The following FMN2 variants were observed in gnomAD, a reference collection of about 807,000 sequenced individuals.
FMN2 encodes the protein formin 2, also known as formin-2.
FMN2 carries 51 observed loss-of-function variants against 142.3 expected under a neutral mutation model. That is an observed-to-expected ratio of 0.36 (90% CI 0.29 to 0.45). The LOEUF is 0.45. Ranked by LOEUF, FMN2 falls within the 20% of genes least tolerant of loss-of-function variation. The probability of loss-of-function intolerance (pLI) is 1.00; values close to 1 mark genes in which losing one functional copy is unlikely to be tolerated. For synonymous variants in FMN2, 882 were observed against 869.8 expected (o/e 1.01, Z -0.25); for missense variants, 1,936 against 2,122.8 (o/e 0.91, Z 1.73).
In FMN2 at chr1:240,474,271, A is replaced by G. The variant is rs882869; in HGVS notation, c.*117A>G. On this transcript the variant is annotated 3_prime_UTR_variant, in exon 18 of 18. Transcript: ENST00000319653. Reference sequence around the variant, plus strand: ...CTCATGTTTCTTCTTGACCTCTTGCATAATCTTTTTGTTTTCTAGACAGTT... The same window carrying G: ...CTCATGTTTCTTCTTGACCTCTTGCGTAATCTTTTTGTTTTCTAGACAGTT... 0.32 allele frequency: 304,478 copies of G among 953,044 alleles called. 51,570 individuals carry two copies. Among genetic ancestry groups the G allele is most frequent in the East Asian group, 0.48 (15,836 of 33,224 alleles). The allele number at this position is 953,044 out of a possible 1,614,324, so 59.0% of individuals were successfully genotyped here. A position where few individuals can be genotyped will look rare whatever the true frequency, so the allele number is the denominator to read the frequency against.
rs552537275 is a variant in FMN2 at position 240,388,156 on chromosome 1, C to T, written c.4859-4355C>T. Among the ~76,000 whole-genome samples the T allele has an allele frequency of 3.5e-4, 39 of 110,308 alleles. 1 individual carries two copies. Among genetic ancestry groups the T allele is most frequent in the Admixed American group, 3.2e-3 (24 of 7,418 alleles). 72.4% of individuals were successfully genotyped at this position (110,308 alleles called of 152,430 possible). A position where few individuals can be genotyped will look rare whatever the true frequency, so the allele number is the denominator to read the frequency against. ...GCGGGTCACTGCACTCCAGCCTGGGCGACAGAGCAAGACTCCCATCTCAAA... is the reference window on the plus strand; with the variant it reads ...GCGGGTCACTGCACTCCAGCCTGGGTGACAGAGCAAGACTCCCATCTCAAA... On this transcript the variant is annotated intron_variant, in intron 14 of 17. Coordinates refer to ENST00000319653, the MANE Select transcript of FMN2 (RefSeq NM_020066.5).
At chr1:240,202,502 G>GT (rs1185125483) in intron 4 of FMN2, among the ~76,000 whole-genome samples, 6 of 152,144 alleles carry the variant, frequency 3.9e-5, no homozygotes, top group African/African-American at 1.4e-4. Flanking sequence ...TACTATTGTT[G>GT]TTTTTTATAT....
intron 4 of FMN2, among the ~76,000 whole-genome samples, chr1:240,205,456 CTTTTTTTTTT>C (rs36115091): frequency 2.1e-5 from 2 of 97,478 alleles, no homozygotes; most frequent in Admixed American, 1.1e-4. Flanking sequence ...ATGCTCTTTC[CTTTTTTTTTT>C]TTTTTTTTTT....
At chr1:240,334,735 G>A (rs1415563098) in intron 13 of FMN2, among the ~76,000 whole-genome samples, 3 of 152,056 alleles carry the variant, frequency 2.0e-5, no homozygotes, top group East Asian at 1.9e-4. Flanking sequence ...ATAATAGGCC[G>A]AAATTTTTCA....
At chr1:240,210,495 T>C (rs771888535) in intron 5 of FMN2, among the ~76,000 whole-genome samples, 11 of 152,238 alleles carry the variant, frequency 7.2e-5, no homozygotes, top group Admixed American at 3.9e-4. Context: ...ACGCCACTTA[T>C]GTATGTGGGT....
chr1:240,346,295 A>G (rs751604207), intron 13 of FMN2, among the ~76,000 whole-genome samples: 85 of 152,106 alleles, frequency 5.6e-4, no homozygotes, highest in Non-Finnish European at 7.6e-4. Flanking sequence ...AAAAATAATT[A>G]TAACAATATA....
At chr1:240,450,756 G>A (rs1676008560) in intron 16 of FMN2, among the ~76,000 whole-genome samples, 2 of 152,202 alleles carry the variant, frequency 1.3e-5, no homozygotes, top group Admixed American at 1.3e-4. Context: ...TTCTTTGAAT[G>A]ATTTAAAACT....
chr1:240,208,684 G>T lies in FMN2; in HGVS notation c.3872G>T (p.Arg1291Leu). ...AGGAAGCAGCCCATAGAGCCTTGTCGACCAATGAAGCCTCTTTACTGGACC... is the reference window on the plus strand; with the variant it reads ...AGGAAGCAGCCCATAGAGCCTTGTCTACCAATGAAGCCTCTTTACTGGACC... Reference protein sequence around the residue: ...GSRKQPIEPCRPMKPLYWTRI... With the variant: ...GSRKQPIEPCLPMKPLYWTRI... Residue 1291 changes from arginine to leucine, a missense_variant, in exon 5 of 18, where the codon CGA becomes CTA. By Grantham distance (102) the Arg-to-Leu change is moderately radical. This residue lies in a region of FMN2 where 259 missense variants were observed against 230.9 expected (regional missense o/e 1.12). Transcript: ENST00000319653. The T allele has an allele frequency of 2.5e-6, 4 of 1,613,714 alleles. No homozygotes were observed. Among genetic ancestry groups the T allele is most frequent in the Non-Finnish European group, 3.4e-6 (4 of 1,179,926 alleles).
chr1:240,384,016 A>T lies in FMN2; in HGVS notation c.4859-8495A>T, dbSNP rs545137449. Among the ~76,000 whole-genome samples the T allele has an allele frequency of 3.9e-5, 6 of 152,248 alleles. No individual in the cohort carries two copies. The East Asian group carries it at 1.2e-3, about 29-fold the overall frequency. On this transcript the variant is annotated intron_variant, in intron 14 of 17. Coordinates refer to ENST00000319653, the MANE Select transcript of FMN2 (RefSeq NM_020066.5). Reference sequence around the variant, plus strand: ...CTTTACAGCAACATGGATGCAGCTGAAGGCTATTATCCTAAGCGTATTAAC... The same window carrying T: ...CTTTACAGCAACATGGATGCAGCTGTAGGCTATTATCCTAAGCGTATTAAC...
At chr1:240,225,224 G>A (rs1667257456) in intron 6 of FMN2, among the ~76,000 whole-genome samples, 1 of 152,156 alleles carries the variant, frequency 6.6e-6, no homozygotes, top group South Asian at 2.1e-4. Flanking sequence ...ACCCTCACAG[G>A]AGCAACTGGA....
At chr1:240,433,869 C>A (rs543361611) in intron 15 of FMN2, among the ~76,000 whole-genome samples, 1 of 152,238 alleles carries the variant, frequency 6.6e-6, no homozygotes, top group African/African-American at 2.4e-5. Flanking sequence ...ACGTTAGATA[C>A]CTAGGTCTTT....
chr1:240,394,511 A>G (rs1673707721), intron 15 of FMN2, among the ~76,000 whole-genome samples: 1 of 152,252 alleles, frequency 6.6e-6, no homozygotes. Flanking sequence ...AGGTGAAGCA[A>G]CAAGTGCTGA....
At chr1:240,472,135 A>C in intron 16 of FMN2, 1 of 432,008 alleles carries the variant, frequency 2.3e-6, no homozygotes, top group East Asian at 4.5e-5. Context: ...GTGTTTGTAT[A>C]TTACTCCATT....
intron 13 of FMN2, among the ~76,000 whole-genome samples, chr1:240,347,471 G>A (rs1015463479): frequency 6.6e-5 from 10 of 152,050 alleles, no homozygotes; most frequent in African/African-American, 1.2e-4. Context: ...ACTCATCAAC[G>A]CACATTAGAA....
In FMN2 at chr1:240,380,726, A is replaced by AG. The variant is rs1673196378; in HGVS notation, c.4859-11785_4859-11784insG. ...AACTCAAAACTAGTTAAAAAAAAAA[A>AG]AAAGAAATGGCAAAGATCAGAGCAG... On this transcript the variant is annotated intron_variant, in intron 14 of 17. Transcript: ENST00000319653. 2.6e-5 allele frequency among the ~76,000 whole-genome samples: 4 copies of AG among 151,908 alleles called. No homozygotes were observed. The South Asian group carries it at 8.3e-4, about 31-fold the overall frequency.
At chr1:240,397,495 G>A (rs1298626772) in intron 15 of FMN2, among the ~76,000 whole-genome samples, 2 of 151,834 alleles carry the variant, frequency 1.3e-5, no homozygotes, top group Non-Finnish European at 2.9e-5. Context: ...CCACACCTAG[G>A]CCAGGCACGG....
intron 4 of FMN2, among the ~76,000 whole-genome samples, chr1:240,206,249 C>T (rs1412830836): frequency 6.6e-6 from 1 of 152,084 alleles, no homozygotes; most frequent in East Asian, 1.9e-4. Context: ...TTATCACTTT[C>T]TGAAATACCC....
At chr1:240,323,732 C>G (rs1671059556) in intron 8 of FMN2, among the ~76,000 whole-genome samples, 1 of 152,196 alleles carries the variant, frequency 6.6e-6, no homozygotes, top group Non-Finnish European at 1.5e-5. Context: ...CTGACCTCTT[C>G]TCTCACATCT....
Position 240,132,729 on chromosome 1 carries a change from G to A in FMN2, c.1782+9384G>A, listed in dbSNP as rs528642268. On this transcript the variant is annotated intron_variant, in intron 2 of 17. Coordinates refer to ENST00000319653, the MANE Select transcript of FMN2 (RefSeq NM_020066.5). ...GGGCTTTGGAAGTGGAGTGGGTTAC[G>A]CTCAGGATGGACGTGGAATACTCTC... Among the ~76,000 whole-genome samples, 232 of 152,234 alleles carry A rather than the reference G, an allele frequency of 1.5e-3. 2 individuals carry two copies. Among genetic ancestry groups the A allele is most frequent in the African/African-American group, 5.3e-3 (220 of 41,534 alleles).
Sources: allele counts gnomAD v4.1 joint callset (sites outside exome capture counted in the v4.1 genomes callset), GRCh38; gene constraint gnomAD v4.1.1; regional missense constraint gnomAD v4.1.1; transcripts MANE v1.5; gene names NCBI Gene and HGNC (gene_info 2026-07-23, HGNC 2026-07-21).